Variants in MTOR observed in about 807,000 individuals in gnomAD.
The protein encoded by MTOR is serine/threonine-protein kinase mTOR.
MTOR carries 70 observed loss-of-function variants against 319.8 expected under a neutral mutation model. The ratio of observed to expected loss-of-function variants is 0.22; its 90% CI spans 0.18 to 0.27. The LOEUF is 0.27. Among genes scored for constraint, MTOR ranks in the 10% least tolerant of loss-of-function variants. The pLI, the probability that MTOR is intolerant of heterozygous loss-of-function variation, is 1.00. For missense variants in MTOR, 1,890 were observed against 3,274.4 expected, an observed-to-expected ratio of 0.58 and a Z score of 10.32; for synonymous variants, 1,183 against 1,211.4, an observed-to-expected ratio of 0.98 and a Z score of 0.49.
At position 11,113,124 on chromosome 1, in the gene MTOR, G is replaced by A. The variant is rs527558586; in HGVS notation, c.7301-207C>T. 2.0e-5 allele frequency among the ~76,000 whole-genome samples: 3 copies of A among 152,298 alleles called. No individual in the cohort carries two copies. In the South Asian group the frequency reaches 6.2e-4, roughly 32 times the overall value. The stretch of plus-strand genomic sequence containing the variant: ...GGGGACACTCTATACTGTTGATTTG[G>A]ACTTAGACAATGTAATACAGATAAT... On this transcript the variant is annotated intron_variant, in intron 53 of 57. Transcript: ENST00000361445.
At chr1:11,202,903 C>G (rs1471275205) in intron 26 of MTOR, among the ~76,000 whole-genome samples, 1 of 110,052 alleles carries the variant, frequency 9.1e-6, no homozygotes, top group Non-Finnish European at 2.3e-5. Flanking sequence ...GACCCTGTTT[C>G]CAAAACAAAA....
chr1:11,246,823 C>T (rs1648894816), intron 8 of MTOR, among the ~76,000 whole-genome samples: 2 of 152,192 alleles, frequency 1.3e-5, no homozygotes, highest in African/African-American at 4.8e-5. Context: ...GAACAGGCAA[C>T]TAGAGCATTA....
chr1:11,128,742 T>C lies in MTOR; in HGVS notation c.5811+113A>G, dbSNP rs1642973257. 9.5e-7 allele frequency: 1 copy of C among 1,051,970 alleles called. No homozygotes were observed. Among genetic ancestry groups the C allele is most frequent in the Non-Finnish European group, 1.4e-6 (1 of 698,728 alleles). 65.2% of individuals were successfully genotyped at this position (1,051,970 alleles called of 1,614,324 possible). On this transcript the variant is annotated intron_variant, in intron 41 of 57. Transcript: ENST00000361445. The surrounding 1 kb of genome is among the most constrained non-coding windows in gnomAD (Gnocchi z 5.3). ...ACACTGGGACCGAGCCCTACTTCCTTAGCACTGTATTAACACACACTGCCT... is the reference window on the plus strand; with the variant it reads ...ACACTGGGACCGAGCCCTACTTCCTCAGCACTGTATTAACACACACTGCCT...
chr1:11,144,745 G>T lies in MTOR; in HGVS notation c.4775C>A (p.Ser1592Tyr). 1 of 1,612,998 alleles carries T rather than the reference G, an allele frequency of 6.2e-7. No individual in the cohort carries two copies. Among genetic ancestry groups the T allele is most frequent in the Non-Finnish European group, 8.5e-7 (1 of 1,180,028 alleles). Residue 1592 changes from serine (S) to tyrosine (Y), a missense_variant, in exon 34 of 58, where the codon TCT becomes TAT. Physicochemically the swap from Ser to Tyr is moderately radical, Grantham distance 144 (BLOSUM62 -2). Around this residue, in one of 15 missense-constraint regions of MTOR, gnomAD observed 276 missense variants for 459.4 expected, o/e 0.60. Transcript: ENST00000361445. Reference sequence around the variant, plus strand: ...CTCCAGCTCGGACAGCATGTGGCAAGAAACCATGGCCTGATGGAAGCAAAT... The same window carrying T: ...CTCCAGCTCGGACAGCATGTGGCAATAAACCATGGCCTGATGGAAGCAAAT... ...SYSRAYGAMV[S>Y]CHMLSELEEV...
intron 49 of MTOR, among the ~76,000 whole-genome samples, chr1:11,119,085 A>T (rs1037315906): frequency 3.9e-5 from 6 of 152,110 alleles, no homozygotes; most frequent in African/African-American, 1.4e-4. Flanking sequence ...AGTATAAGAA[A>T]ATATAGGTAA....
At position 11,244,227 on chromosome 1, in the gene MTOR, G is replaced by A. The variant is rs558456553; in HGVS notation, c.1226-927C>T. ...GAATCGCTTGAACCCGGGAGGCGGA[G>A]GTTGCGGTGAGCCGAGATCACGCCA... On this transcript the variant is annotated intron_variant, in intron 8 of 57. Transcript: ENST00000361445. Among the ~76,000 whole-genome samples, 47 of 146,246 alleles carry A rather than the reference G, an allele frequency of 3.2e-4. No individual in the cohort carries two copies. The South Asian group carries it at 8.3e-3, about 26-fold the overall frequency.
intron 19 of MTOR, among the ~76,000 whole-genome samples, chr1:11,220,236 A>G (rs1425921669): frequency 6.6e-6 from 1 of 152,104 alleles, no homozygotes; most frequent in Non-Finnish European, 1.5e-5. Flanking sequence ...ACTTCAGGAT[A>G]ACAAAACAAT....
intron 19 of MTOR, among the ~76,000 whole-genome samples, chr1:11,224,223 A>G (rs1210972961): frequency 6.6e-6 from 1 of 152,098 alleles, no homozygotes; most frequent in Non-Finnish European, 1.5e-5. Flanking sequence ...AAAAGTCACA[A>G]GACAGTTAAA....
chr1:11,161,589 C>T (rs1644480574), intron 29 of MTOR, among the ~76,000 whole-genome samples: 1 of 152,150 alleles, frequency 6.6e-6, no homozygotes, highest in Admixed American at 6.5e-5. Flanking sequence ...GACGAAGCTT[C>T]CAGAGGAACG....
rs28991003 is a variant in MTOR, at chr1:11,192,411, C to T, written c.4253+6847G>A. On this transcript the variant is annotated intron_variant, in intron 28 of 57. Transcript: ENST00000361445. ...TCACTGGCCATGCCCTAATACCTGT[C>T]CTTCACCCCCTCAAGGGGACTACAA... 20 of 1,491,422 alleles carry T rather than the reference C, an allele frequency of 1.3e-5. No individual in the cohort carries two copies. The Admixed American group carries it at 2.5e-4, about 19-fold the overall frequency. The allele number at this position is 1,491,422 out of a possible 1,614,324, so 92.4% of individuals were successfully genotyped here. A position where few individuals can be genotyped will look rare whatever the true frequency, so the allele number is the denominator to read the frequency against.
intron 25 of MTOR, among the ~76,000 whole-genome samples, 177 bp downstream of exon 25, chr1:11,209,135 C>G (rs978555114): frequency 2.0e-5 from 3 of 152,176 alleles, no homozygotes; most frequent in African/African-American, 7.2e-5. Context: ...CTATTCAAAA[C>G]AAAATTACAA....
chr1:11,122,271 T>A, intron 47 of MTOR, 145 bp from the exon 48 acceptor site: 1 of 962,452 alleles, frequency 1.0e-6, no homozygotes, highest in Non-Finnish European at 1.5e-6. Context: ...TGGCACAATC[T>A]TGGCTCACTG....
intron 29 of MTOR, among the ~76,000 whole-genome samples, chr1:11,164,963 G>A (rs1009655808): frequency 2.6e-5 from 4 of 152,090 alleles, no homozygotes; most frequent in South Asian, 2.1e-4. Context: ...ATCAATAAAC[G>A]TAATCCATCA....
intron 36 of MTOR, among the ~76,000 whole-genome samples, chr1:11,134,970 C>T (rs1643335200): frequency 6.6e-6 from 1 of 152,218 alleles, no homozygotes; most frequent in Non-Finnish European, 1.5e-5. Flanking sequence ...TGAAAACCCG[C>T]ATGCATTCAC....
rs1570945871 is a variant in MTOR, at chr1:11,129,619, T to C, written c.5714+119A>G. ...AAATGCAGTGCAGAAAAAAGGCACA[T>C]ACATCGATCTTGGGTGTCCTGATCA... On this transcript the variant is annotated intron_variant, in intron 40 of 57. Transcript: ENST00000361445. The surrounding 1 kb of genome is among the most constrained non-coding windows in gnomAD (Gnocchi z 4.7). 3.6e-6 allele frequency: 3 copies of C among 840,534 alleles called. No individual in the cohort carries two copies. Among genetic ancestry groups the C allele is most frequent in the African/African-American group, 3.4e-5 (2 of 59,208 alleles). The allele number at this position is 840,534 out of a possible 1,614,324, so 52.1% of individuals were successfully genotyped here.
At chr1:11,213,988 T>C (rs1240588091) in intron 20 of MTOR, among the ~76,000 whole-genome samples, 1 of 152,226 alleles carries the variant, frequency 6.6e-6, no homozygotes, top group Non-Finnish European at 1.5e-5. Flanking sequence ...TGCTTTGCTG[T>C]CCTCCCTCTA....
At chr1:11,142,586 C>CA (rs1416626608) in intron 34 of MTOR, among the ~76,000 whole-genome samples, 2 of 152,156 alleles carry the variant, frequency 1.3e-5, no homozygotes, top group Non-Finnish European at 2.9e-5. Context: ...TGTGAGCCAC[C>CA]ATGCCTGGCC....
At chr1:11,111,993 A>C (rs926283805) in intron 54 of MTOR, among the ~76,000 whole-genome samples, 2 of 151,946 alleles carry the variant, frequency 1.3e-5, no homozygotes, top group Admixed American at 6.6e-5. Context: ...AAAACCCCCC[A>C]AAACCAGTAA....
intron 13 of MTOR, among the ~76,000 whole-genome samples, chr1:11,235,943 C>T (rs1427334199): frequency 6.6e-6 from 1 of 151,660 alleles, no homozygotes; most frequent in East Asian, 2.0e-4. Flanking sequence ...GATCACACTA[C>T]TGCACTCCAG....
Sources: allele counts gnomAD v4.1 joint callset (sites outside exome capture counted in the v4.1 genomes callset), GRCh38; gene constraint gnomAD v4.1.1; regional missense constraint gnomAD v4.1.1; non-coding constraint Gnocchi (gnomAD v3.1); transcripts MANE v1.5; gene names NCBI Gene and HGNC (gene_info 2026-07-23, HGNC 2026-07-21).